CEP131: variants seen among roughly 807,000 people sequenced by gnomAD.
CEP131 encodes centrosomal protein 131.
CEP131 carries 99 observed loss-of-function variants against 136.8 expected under a neutral mutation model. That is an observed-to-expected ratio of 0.72 (90% confidence interval 0.62 to 0.86). The LOEUF (loss-of-function observed/expected upper bound fraction) is 0.86. Among genes scored for constraint, CEP131 ranks in the 40% least tolerant of loss-of-function variants. The pLI is 0.00. For synonymous variants in CEP131, 646 were observed against 612.7 expected, an observed-to-expected ratio of 1.05 and a Z score of -0.80; for missense variants, 1,459 against 1,463.0, an observed-to-expected ratio of 1.00 and a Z score of 0.04.
intron 16 of CEP131, 103 bp downstream of exon 16, chr17:81,195,732 G>A: frequency 9.8e-7 from 1 of 1,024,218 alleles, no homozygotes; most frequent in Admixed American, 2.0e-5. Context: ...CACCGAGACA[G>A]GAATGAGGAC....
chr17:81,196,673 G>T lies in CEP131; in HGVS notation c.1899+28C>A, dbSNP rs776033705. 1.9e-6 allele frequency: 3 copies of T among 1,592,424 alleles called. No individual in the cohort carries two copies. The African/African-American group carries it at 4.0e-5, about 21-fold the overall frequency. On this transcript the variant is annotated intron_variant, in intron 15 of 25. Transcript: ENST00000450824. ...TCTCCATGAGCCACGCGCTGGGTCC[G>T]GGCCTCTGCGCTCCCCGGGCCGCTC...
intron 21 of CEP131, 41 bp downstream of exon 21, chr17:81,192,277 C>T (rs2061656457): frequency 6.5e-7 from 1 of 1,537,292 alleles, no homozygotes; most frequent in East Asian, 2.4e-5. Flanking sequence ...CCACGCAGGG[C>T]AGCCCCCAAC....
intron 2 of CEP131, among the ~76,000 whole-genome samples, chr17:81,211,982 C>T (rs1466983617): frequency 6.8e-6 from 1 of 147,720 alleles, no homozygotes; most frequent in Non-Finnish European, 1.5e-5. Flanking sequence ...AGAACATGGA[C>T]AATTCATAGA....
At chr17:81,206,505 T>TC (rs550177435) in intron 5 of CEP131, among the ~76,000 whole-genome samples, 25 of 149,928 alleles carry the variant, frequency 1.7e-4, no homozygotes, top group African/African-American at 5.4e-4. Flanking sequence ...CATGTGAGCC[T>TC]CCCCAAGGCC....
chr17:81,220,568 C>T (rs1357305541), intron 1 of CEP131, among the ~76,000 whole-genome samples: 1 of 152,176 alleles, frequency 6.6e-6, no homozygotes, highest in Non-Finnish European at 1.5e-5. Flanking sequence ...GATCTCGGCT[C>T]ATTGCCACCT....
rs1220724807 is a variant in CEP131 at position 81,197,603 on chromosome 17, TGGGGGCCAGGTGCGGGCTGGTGAG to T, written c.1647+85_1647+108del. 9.0e-5 allele frequency: 130 copies of T among 1,440,306 alleles called. 2 individuals carry two copies. The African/African-American group carries it at 1.9e-3, about 21-fold the overall frequency. The allele number at this position is 1,440,306 out of a possible 1,614,324, so 89.2% of individuals were successfully genotyped here. ...GGGCTGGCGAGAGACCTCCTCCCCCTGGGGGCCAGGTGCGGGCTGGTGAGGGGCCTCCTCCCCCGAGGGCCAGGT... is the reference window on the plus strand; with the variant it reads ...GGGCTGGCGAGAGACCTCCTCCCCCTGGGCCTCCTCCCCCGAGGGCCAGGT... On this transcript the variant is annotated intron_variant, in intron 13 of 25. Transcript: ENST00000450824.
intron 13 of CEP131, 198 bp downstream of exon 13, chr17:81,197,514 G>T (rs764125458): frequency 1.0e-4 from 80 of 786,290 alleles, no homozygotes; most frequent in Non-Finnish European, 1.3e-4. Context: ...AGAGACCCGT[G>T]GGGGGTGCTG....
chr17:81,214,417 A>G (rs2062199443), intron 2 of CEP131, among the ~76,000 whole-genome samples: 1 of 151,970 alleles, frequency 6.6e-6, no homozygotes, highest in Non-Finnish European at 1.5e-5. Context: ...TTAGCCCGGC[A>G]TGGTGGCAGG....
At chr17:81,199,616 G>A in intron 9 of CEP131, 67 bp from the exon 10 acceptor site, 1 of 1,592,628 alleles carries the variant, frequency 6.3e-7, no homozygotes, top group African/African-American at 1.3e-5. Flanking sequence ...CAGCCAAGCT[G>A]CCCTGAGGCT....
chr17:81,202,211 C>T, intron 7 of CEP131, 29 bp downstream of exon 7: 1 of 1,091,392 alleles, frequency 9.2e-7, no homozygotes. Context: ...TAGGCTCAGG[C>T]CCCCCCCCAC....
At position 81,199,827 on chromosome 17, in the gene CEP131, C is replaced by T. The variant is rs1179750508; in HGVS notation, c.915G>A (p.Arg305=). 1.5e-5 allele frequency: 24 copies of T among 1,610,826 alleles called. No homozygotes were observed. Among genetic ancestry groups the T allele is most frequent in the South Asian group, 1.1e-5 (1 of 91,092 alleles). Reference sequence around the variant, plus strand: ...AGAGGGTCCCCTCGCCTGACCGCTGCCGCTGCTCCTGCCAAAGAAGCCGGT... The same window carrying T: ...AGAGGGTCCCCTCGCCTGACCGCTGTCGCTGCTCCTGCCAAAGAAGCCGGT... ...HLLQAKREEQ[R]QRSGEGTLLD... The change falls in exon 9 of 26, where the codon CGG becomes CGA. Residue 305 remains arginine (R), a synonymous_variant. Transcript: ENST00000450824.
chr17:81,192,685 G>GCCC, intron 19 of CEP131, 51 bp downstream of exon 19: 3 of 478,368 alleles, frequency 6.3e-6, no homozygotes, highest in African/African-American at 2.0e-5. Flanking sequence ...GGGGGGAGGG[G>GCCC]TCAGCCAGCG....
intron 7 of CEP131, among the ~76,000 whole-genome samples, chr17:81,201,246 C>A (rs1458496223): frequency 6.6e-6 from 1 of 152,172 alleles, no homozygotes; most frequent in South Asian, 2.1e-4. Context: ...CCCCTTCCCT[C>A]GTGCCACCCA....
intron 2 of CEP131, among the ~76,000 whole-genome samples, chr17:81,218,131 C>T (rs923027025): frequency 6.6e-6 from 1 of 151,928 alleles, no homozygotes; most frequent in Non-Finnish European, 1.5e-5. Flanking sequence ...CAGCCTCCTC[C>T]GCCCGGGTTC....
intron 8 of CEP131, 107 bp downstream of exon 8, chr17:81,200,222 C>T (rs1019989929): frequency 1.1e-5 from 10 of 879,656 alleles, no homozygotes; most frequent in South Asian, 5.2e-5. Flanking sequence ...ACGGGGCCCA[C>T]GAGCAATCCT....
In CEP131 at chr17:81,203,455, C is replaced by G. The variant is rs763999368; in HGVS notation, c.629+39G>C. ...ACTGACTACATGCCCTAACTGAGGT[C>G]GGACCCCGCAGCCCCGCGGCCTCCC... On this transcript the variant is annotated intron_variant, in intron 6 of 25. Transcript: ENST00000450824. This position sits in a 1 kb window ranked among gnomAD's most constrained non-coding sequence, Gnocchi z 4.6. The G allele has an allele frequency of 9.3e-6, 14 of 1,509,954 alleles. No individual in the cohort carries two copies. The highest frequency in any genetic ancestry group is 5.4e-6 in the Non-Finnish European group (6 of 1,112,264). The allele number at this position is 1,509,954 out of a possible 1,614,324, so 93.5% of individuals were successfully genotyped here. A position where few individuals can be genotyped will look rare whatever the true frequency, so the allele number is the denominator to read the frequency against.
Position 81,208,393 on chromosome 17 carries a change from C to G in CEP131, c.272+535G>C, listed in dbSNP as rs1290513256. On this transcript the variant is annotated intron_variant, in intron 3 of 25. Transcript: ENST00000450824. The surrounding 1 kb of genome is among the most constrained non-coding windows in gnomAD (Gnocchi z 5.6). ...TGGTGTCAGGACCTCGCCCACCACT[C>G]TGGGCTAGAGGATGTCCCCCCGGAG... Among the ~76,000 whole-genome samples, 1 of 152,146 alleles carries G rather than the reference C, an allele frequency of 6.6e-6. No homozygotes were observed. The highest frequency in any genetic ancestry group is 2.4e-5 in the African/African-American group (1 of 41,424).
In CEP131 at chr17:81,190,663, A is replaced by G. The variant is rs1484759018; in HGVS notation, c.3083T>C (p.Leu1028Pro). ...CCTCCGGTGCACCTCCTCCAGCTCC[A>G]GCTGCTGGCGGGCCTGCAGCGTGGC... ...ELATLQARQQ[L>P]ELEEVHRRVK... Residue 1028 changes from leucine (L) to proline (P), a missense_variant, in exon 24 of 26, where the codon CTG becomes CCG. Physicochemically the swap from Leu to Pro is moderately conservative, Grantham distance 98 (BLOSUM62 -3). Coordinates refer to ENST00000450824, the MANE Select transcript of CEP131 (RefSeq NM_014984.4). 1.3e-6 allele frequency: 2 copies of G among 1,597,518 alleles called. No homozygotes were observed. The highest frequency in any genetic ancestry group is 1.7e-5 in the Admixed American group (1 of 59,150).
intron 2 of CEP131, among the ~76,000 whole-genome samples, chr17:81,212,776 G>T (rs979330704): frequency 6.6e-6 from 1 of 152,266 alleles, no homozygotes; most frequent in Non-Finnish European, 1.5e-5. Flanking sequence ...AGCGTCGGGG[G>T]GGCGAGAGGT....
Sources: gnomAD v4.1 joint callset for allele counts (sites outside exome capture counted in the v4.1 genomes callset) on GRCh38, gnomAD v4.1.1 for gene constraint, Gnocchi (gnomAD v3.1) non-coding constraint, MANE v1.5 for transcripts, NCBI Gene and HGNC (gene_info 2026-07-23, HGNC 2026-07-21) for gene names.